AUTS2: variants seen among roughly 807,000 people sequenced by gnomAD.
The protein encoded by AUTS2 is autism susceptibility gene 2 protein.
Under a neutral mutation model 112.4 loss-of-function variants are expected in AUTS2, and 17 were observed. The ratio of observed to expected loss-of-function variants is 0.15; its 90% CI spans 0.10 to 0.23. The LOEUF (loss-of-function observed/expected upper bound fraction) is 0.23, where lower values mean the gene tolerates loss of function less well. AUTS2 is among the 10% of genes least tolerant of loss of function. The pLI is 1.00. For synonymous variants in AUTS2, 751 were observed against 702.7 expected, an observed-to-expected ratio of 1.07 and a Z score of -1.09; for missense variants, 1,510 against 1,701.6, an observed-to-expected ratio of 0.89 and a Z score of 1.98.
chr7:69,884,145 T>C lies in AUTS2; in HGVS notation c.310-15141T>C, dbSNP rs141749360. Among the ~76,000 whole-genome samples, 238 of 152,338 alleles carry C rather than the reference T, an allele frequency of 1.6e-3. 2 individuals are homozygous for C. The highest frequency in any genetic ancestry group is 4.9e-3 in the African/African-American group (202 of 41,582). Reference sequence around the variant, plus strand: ...GGGCACAGTTTCTAAGGTAGATACCTGTGAGGATGTATAGGCATGCTTTAG... The same window carrying C: ...GGGCACAGTTTCTAAGGTAGATACCCGTGAGGATGTATAGGCATGCTTTAG... On this transcript the variant is annotated intron_variant, in intron 1 of 18. Coordinates refer to ENST00000342771, the MANE Select transcript of AUTS2 (RefSeq NM_015570.4).
At chr7:69,903,797 C>G (rs1430229564) in intron 2 of AUTS2, among the ~76,000 whole-genome samples, 3 of 152,106 alleles carry the variant, frequency 2.0e-5, no homozygotes. Flanking sequence ...ATTTCAGGAG[C>G]CTGTTAGTAG....
chr7:70,523,677 C>T (rs960824830), intron 5 of AUTS2, among the ~76,000 whole-genome samples: 11 of 152,168 alleles, frequency 7.2e-5, no homozygotes, highest in South Asian at 2.1e-4. Flanking sequence ...TGCAGTGCAG[C>T]GCACTCTGGT....
intron 4 of AUTS2, among the ~76,000 whole-genome samples, chr7:70,219,835 G>C (rs1357036547): frequency 6.6e-6 from 1 of 152,110 alleles, no homozygotes; most frequent in Non-Finnish European, 1.5e-5. Context: ...CTCCCAAAGT[G>C]CTGGGATTAC....
At chr7:70,697,496 A>G (rs1413510116) in intron 5 of AUTS2, among the ~76,000 whole-genome samples, 2 of 152,018 alleles carry the variant, frequency 1.3e-5, no homozygotes, top group Non-Finnish European at 2.9e-5. Context: ...GGAAAGACTA[A>G]ATTGAATATC....
intron 1 of AUTS2, among the ~76,000 whole-genome samples, chr7:69,645,415 T>C (rs901543111): frequency 6.6e-6 from 1 of 152,138 alleles, no homozygotes; most frequent in Non-Finnish European, 1.5e-5. Flanking sequence ...GTTTGGGAAG[T>C]CCATCCCTTT....
chr7:69,894,262 T>TGTTGTTG (rs1372600827), intron 1 of AUTS2, among the ~76,000 whole-genome samples: 1 of 133,198 alleles, frequency 7.5e-6, no homozygotes, highest in African/African-American at 2.8e-5. Context: ...GTTTTTTTTT[T>TGTTGTTG]TTTTTTTTTT....
chr7:70,718,354 T>C (rs1039066615), intron 6 of AUTS2, among the ~76,000 whole-genome samples: 35 of 152,228 alleles, frequency 2.3e-4, no homozygotes, highest in African/African-American at 8.2e-4. Context: ...CTTAAGAGTA[T>C]CCTTAGCTTT....
intron 4 of AUTS2, among the ~76,000 whole-genome samples, chr7:70,207,995 G>T (rs746489570): frequency 7.6e-4 from 84 of 110,394 alleles, no homozygotes; most frequent in Non-Finnish European, 1.2e-3. Context: ...TGGGCAACAA[G>T]AGTGAAACTC....
rs1805238371 is a variant in AUTS2 at position 70,631,163 on chromosome 7, A to G, written c.691-67406A>G. On this transcript the variant is annotated intron_variant, in intron 5 of 18. Coordinates refer to ENST00000342771, the MANE Select transcript of AUTS2 (RefSeq NM_015570.4). This position sits in a 1 kb window ranked among gnomAD's most constrained non-coding sequence, Gnocchi z 4.5. ...CATTCCTGATGACAAACTGCCAGCC[A>G]GCTCCCACAAAAGCACGATTAAAAT... 6.6e-6 allele frequency among the ~76,000 whole-genome samples: 1 copy of G among 152,168 alleles called. No individual in the cohort carries two copies. The highest frequency in any genetic ancestry group is 6.6e-5 in the Admixed American group (1 of 15,262).
At chr7:69,856,489 A>G (rs1401154216) in intron 1 of AUTS2, among the ~76,000 whole-genome samples, 2 of 152,174 alleles carry the variant, frequency 1.3e-5, no homozygotes, top group African/African-American at 2.4e-5. Context: ...TCAACTTTAC[A>G]TCAGCCACTT....
In AUTS2 at chr7:70,790,217, C is replaced by G. The variant is rs1026130789; in HGVS notation, c.3001C>G (p.Arg1001Gly). The stretch of plus-strand genomic sequence containing the variant: ...GCCTCCAGAGGCCCCGCAGACCCAC[C>G]GGGCCTCGGAGCCGCCGCCTCCCAA... ...DLPPEAPQTH[R>G]ASEPPPPNSS... The change falls in exon 19 of 19, where the codon CGG becomes GGG. Residue 1001 changes from arginine (R) to glycine (G), a missense_variant. Physicochemically the swap from Arg to Gly is moderately radical, Grantham distance 125. Around this residue, in one of 3 missense-constraint regions of AUTS2, gnomAD observed 788 missense variants for 797.6 expected, o/e 0.99. Transcript: ENST00000342771. The surrounding 1 kb of genome is among the most constrained non-coding windows in gnomAD (Gnocchi z 7.6). 1.2e-6 allele frequency: 2 copies of G among 1,612,362 alleles called. No individual in the cohort carries two copies. The highest frequency in any genetic ancestry group is 1.7e-6 in the Non-Finnish European group (2 of 1,179,714).
At chr7:70,328,818 T>C (rs1562883808) in intron 4 of AUTS2, among the ~76,000 whole-genome samples, 1 of 152,228 alleles carries the variant, frequency 6.6e-6, no homozygotes, top group Admixed American at 6.5e-5. Context: ...TTAACAATTT[T>C]AAAGTGAACA....
intron 6 of AUTS2, among the ~76,000 whole-genome samples, chr7:70,760,960 G>T (rs1789532095): frequency 6.6e-6 from 1 of 152,212 alleles, no homozygotes; most frequent in Non-Finnish European, 1.5e-5. Context: ...TGTTTGGAGA[G>T]ACCTGAAGAT....
intron 4 of AUTS2, among the ~76,000 whole-genome samples, chr7:70,170,020 T>C (rs1321408312): frequency 6.6e-6 from 1 of 151,928 alleles, no homozygotes; most frequent in African/African-American, 2.4e-5. Flanking sequence ...TTGGAAACTA[T>C]TAAAAACATT....
intron 2 of AUTS2, among the ~76,000 whole-genome samples, chr7:69,983,519 T>G (rs571363283): frequency 6.6e-6 from 1 of 151,964 alleles, no homozygotes; most frequent in African/African-American, 2.4e-5. Flanking sequence ...TTGTACTGTG[T>G]GTGTGTGTGT....
In AUTS2 at chr7:70,050,981, C is replaced by T. The variant is rs573364953; in HGVS notation, c.523-67151C>T. Among the ~76,000 whole-genome samples the T allele has an allele frequency of 2.6e-5, 4 of 152,170 alleles. No individual in the cohort carries two copies. The East Asian group carries it at 7.8e-4, about 30-fold the overall frequency. ...CTGCACTCCAGCCTGGGCGACAGAG[C>T]GAGACTCTGTCTCCATCAATCAATC... On this transcript the variant is annotated intron_variant, in intron 2 of 18. Coordinates refer to ENST00000342771, the MANE Select transcript of AUTS2 (RefSeq NM_015570.4).
chr7:70,653,091 CA>C (rs1225416733), intron 5 of AUTS2, among the ~76,000 whole-genome samples: 1 of 151,874 alleles, frequency 6.6e-6, no homozygotes, highest in Non-Finnish European at 1.5e-5. Context: ...TCTATCTCTA[CA>C]AAAAAATAAA....
chr7:70,272,242 A>T (rs1053873850), intron 4 of AUTS2, among the ~76,000 whole-genome samples: 8 of 152,184 alleles, frequency 5.3e-5, no homozygotes, highest in Non-Finnish European at 1.2e-4. Context: ...AATTAAAAAA[A>T]AAAAAAGATA....
chr7:70,755,028 C>G (rs538988592), intron 6 of AUTS2, among the ~76,000 whole-genome samples: 306 of 152,238 alleles, frequency 2.0e-3, no homozygotes, highest in African/African-American at 6.7e-3. Context: ...TTTTGTATTC[C>G]TCCTCCTCCT....
Sources: allele counts gnomAD v4.1 joint callset (sites outside exome capture counted in the v4.1 genomes callset), GRCh38; gene constraint gnomAD v4.1.1; regional missense constraint gnomAD v4.1.1; non-coding constraint Gnocchi (gnomAD v3.1); transcripts MANE v1.5; gene names NCBI Gene and HGNC (gene_info 2026-07-23, HGNC 2026-07-21).